DPP10: variants seen among roughly 807,000 people sequenced by gnomAD.
DPP10 encodes inactive dipeptidyl peptidase 10.
DPP10 carries 33 observed loss-of-function variants against 120.9 expected under a neutral mutation model. That is an observed-to-expected ratio of 0.27 (90% confidence interval 0.21 to 0.37). DPP10 has a LOEUF of 0.37. Ranked by LOEUF, DPP10 falls within the 10% of genes least tolerant of loss-of-function variation. The pLI is 1.00. For missense variants in DPP10, 816 were observed against 942.8 expected (o/e 0.87, Z 1.76); for synonymous variants, 337 against 326.1 (o/e 1.03, Z -0.36).
chr2:114,888,761 C>A (rs1467322498), intron 1 of DPP10, among the ~76,000 whole-genome samples: 1 of 152,148 alleles, frequency 6.6e-6, no homozygotes, highest in East Asian at 1.9e-4. Flanking sequence ...ATACAGGATC[C>A]CCATGTTTCT....
At chr2:114,640,995 T>C (rs1695664459) in intron 1 of DPP10, among the ~76,000 whole-genome samples, 1 of 151,928 alleles carries the variant, frequency 6.6e-6, no homozygotes, top group Non-Finnish European at 1.5e-5. Flanking sequence ...TCTCTGGTTT[T>C]AGTTTCCTAT....
At chr2:115,318,188 T>C (rs748419013) in intron 2 of DPP10, among the ~76,000 whole-genome samples, 4 of 152,112 alleles carry the variant, frequency 2.6e-5, no homozygotes, top group Admixed American at 6.6e-5. Flanking sequence ...GCACCATTTA[T>C]TGAAGAGACC....
intron 1 of DPP10, among the ~76,000 whole-genome samples, chr2:115,048,449 C>G (rs1553477387): frequency 1.3e-5 from 2 of 152,012 alleles, no homozygotes; most frequent in Admixed American, 6.6e-5. Flanking sequence ...TTGCTTCTTT[C>G]AAAACACTTG....
intron 4 of DPP10, among the ~76,000 whole-genome samples, chr2:115,503,830 A>G (rs182621875): frequency 3.4e-4 from 52 of 152,160 alleles, no homozygotes; most frequent in African/African-American, 7.5e-4. Context: ...ATTGTCCTGA[A>G]TGAATGTGAG....
intron 1 of DPP10, among the ~76,000 whole-genome samples, chr2:114,603,100 G>A (rs560703027): frequency 1.3e-5 from 2 of 152,174 alleles, no homozygotes; most frequent in South Asian, 4.1e-4. Flanking sequence ...GGCACAATGG[G>A]TCTGAGCCAG....
intron 2 of DPP10, among the ~76,000 whole-genome samples, chr2:115,335,093 G>C (rs2063042106): frequency 6.6e-6 from 1 of 151,834 alleles, no homozygotes; most frequent in African/African-American, 2.4e-5. Flanking sequence ...ATCTTACGGG[G>C]ATGGCAGGAG....
chr2:114,696,397 A>G (rs1364996133), intron 1 of DPP10, among the ~76,000 whole-genome samples: 4 of 152,006 alleles, frequency 2.6e-5, no homozygotes, highest in Non-Finnish European at 5.9e-5. Flanking sequence ...ACACACTACA[A>G]TGTTCTGTGG....
chr2:115,707,542 G>A (rs1212019630), intron 7 of DPP10, among the ~76,000 whole-genome samples: 3 of 150,574 alleles, frequency 2.0e-5, no homozygotes, highest in Non-Finnish European at 4.4e-5. Flanking sequence ...TCTGAATGTA[G>A]ATTTTGTCCT....
chr2:114,778,695 C>T (rs1681989866), intron 1 of DPP10, among the ~76,000 whole-genome samples: 1 of 151,972 alleles, frequency 6.6e-6, no homozygotes, highest in South Asian at 2.1e-4. Flanking sequence ...GTGGTATATA[C>T]CACTTCCATG....
At chr2:115,601,276 T>C (rs1224777891) in intron 5 of DPP10, among the ~76,000 whole-genome samples, 2 of 152,228 alleles carry the variant, frequency 1.3e-5, no homozygotes, top group African/African-American at 4.8e-5. Context: ...CTATAAAATG[T>C]CATTAAGGTT....
intron 1 of DPP10, among the ~76,000 whole-genome samples, chr2:115,243,110 A>G (rs2058365473): frequency 6.6e-6 from 1 of 152,204 alleles, no homozygotes; most frequent in African/African-American, 2.4e-5. Flanking sequence ...AATTTATTAC[A>G]AGTAAGGTTT....
At chr2:114,617,222 T>C (rs1177487691) in intron 1 of DPP10, among the ~76,000 whole-genome samples, 1 of 152,032 alleles carries the variant, frequency 6.6e-6, no homozygotes. Flanking sequence ...GGAAGACAAT[T>C]GAGGACATTT....
intron 1 of DPP10, among the ~76,000 whole-genome samples, chr2:115,128,198 A>AT (rs1403892689): frequency 5.3e-5 from 8 of 151,914 alleles, no homozygotes; most frequent in African/African-American, 1.7e-4. Flanking sequence ...AGACATATTG[A>AT]TTTTTTTCAT....
At chr2:114,868,833 T>C (rs1488424965) in intron 1 of DPP10, among the ~76,000 whole-genome samples, 1 of 152,144 alleles carries the variant, frequency 6.6e-6, no homozygotes, top group African/African-American at 2.4e-5. Context: ...ATGATGCTTA[T>C]GATCATGAGT....
chr2:115,308,553 C>T (rs74829567), intron 1 of DPP10, among the ~76,000 whole-genome samples: 1 of 152,092 alleles, frequency 6.6e-6, no homozygotes, highest in African/African-American at 2.4e-5. Flanking sequence ...AATAGCTTTA[C>T]CACATGCATC....
chr2:115,179,893 T>C (rs1002329430), intron 1 of DPP10, among the ~76,000 whole-genome samples: 7 of 152,196 alleles, frequency 4.6e-5, no homozygotes, highest in African/African-American at 1.7e-4. Flanking sequence ...AGAAGGAATT[T>C]TTAGTTAAAC....
chr2:115,392,843 T>A (rs561656379), intron 3 of DPP10, among the ~76,000 whole-genome samples: 1 of 152,296 alleles, frequency 6.6e-6, no homozygotes, highest in African/African-American at 2.4e-5. Context: ...TTTTTCTTTC[T>A]ATGAAGATCT....
intron 5 of DPP10, among the ~76,000 whole-genome samples, chr2:115,594,472 G>T (rs151114488): frequency 6.6e-6 from 1 of 152,072 alleles, no homozygotes; most frequent in Non-Finnish European, 1.5e-5. Context: ...AACAAAAAAA[G>T]TCATAAAAAA....
intron 21 of DPP10, among the ~76,000 whole-genome samples, chr2:115,825,048 A>T (rs1008131554): frequency 2.0e-5 from 3 of 152,232 alleles, no homozygotes; most frequent in African/African-American, 4.8e-5. Context: ...TCAATATTTC[A>T]CAAGTATTCA....
Sources: allele counts gnomAD v4.1 joint callset (sites outside exome capture counted in the v4.1 genomes callset), GRCh38; gene constraint gnomAD v4.1.1; transcripts MANE v1.5; gene names NCBI Gene and HGNC (gene_info 2026-07-23, HGNC 2026-07-21).